Variants in ZBTB2 observed in about 807,000 individuals in gnomAD.
ZBTB2 encodes zinc finger and BTB domain-containing protein 2.
Under a neutral mutation model 39.5 loss-of-function variants are expected in ZBTB2, and 2 were observed. The observed-to-expected ratio is 0.05, with a 90% CI of 0.02 to 0.16. ZBTB2 has a LOEUF of 0.16. ZBTB2 is among the 10% of genes least tolerant of loss of function. ZBTB2 has a pLI of 1.00. For missense variants in ZBTB2, 391 were observed against 653.0 expected (o/e 0.60, Z 4.37); for synonymous variants, 251 against 256.6 (o/e 0.98, Z 0.21).
At chr6:151,385,872 G>A (rs1010362604) in intron 1 of ZBTB2, among the ~76,000 whole-genome samples, 1 of 152,128 alleles carries the variant, frequency 6.6e-6, no homozygotes, top group Non-Finnish European at 1.5e-5. Context: ...TATTTTGAAG[G>A]TAGAAAATGC....
intron 1 of ZBTB2, among the ~76,000 whole-genome samples, chr6:151,380,641 T>C (rs1240377821): frequency 6.6e-6 from 1 of 152,202 alleles, no homozygotes; most frequent in African/African-American, 2.4e-5. Context: ...TTACTCAGCC[T>C]CTTGGCGGCA....
chr6:151,367,456 C>T (rs1778676351), intron 2 of ZBTB2, among the ~76,000 whole-genome samples: 1 of 152,162 alleles, frequency 6.6e-6, no homozygotes, highest in African/African-American at 2.4e-5. Context: ...TATTTTTATA[C>T]AGAACTCCAG....
chr6:151,370,121 G>GATAT, intron 2 of ZBTB2: 1 of 974,108 alleles, frequency 1.0e-6, no homozygotes, highest in Non-Finnish European at 1.2e-6. Context: ...GTAGTTTCCA[G>GATAT]ATATGTTTGA....
intron 1 of ZBTB2, among the ~76,000 whole-genome samples, chr6:151,390,463 G>C (rs1334830546): frequency 3.3e-5 from 5 of 149,924 alleles, no homozygotes; most frequent in Admixed American, 2.0e-4. Flanking sequence ...CTCGCCCCAA[G>C]TCCCGCGGAG....
At chr6:151,381,292 G>A (rs929434878) in intron 1 of ZBTB2, among the ~76,000 whole-genome samples, 2 of 152,082 alleles carry the variant, frequency 1.3e-5, no homozygotes, top group African/African-American at 4.8e-5. Flanking sequence ...AGGCTGAGGC[G>A]GGCAGATCAC....
intron 1 of ZBTB2, among the ~76,000 whole-genome samples, chr6:151,374,183 A>G (rs556195329): frequency 2.0e-5 from 3 of 152,304 alleles, no homozygotes; most frequent in East Asian, 1.9e-4. Context: ...GTGAGAATCA[A>G]TAAGTCTGAG....
chr6:151,366,674 G>A lies in ZBTB2; in HGVS notation c.392C>T (p.Ser131Leu), dbSNP rs1461100521. ...ATCTGCAATCTGAATGCCATACAAT[G>A]AAGAAGCCAGTGGGAAAACTTGGTC... ...HPDQVFPLAS[S>L]LYGIQIADHQ... Residue 131 changes from serine to leucine, a missense_variant, in exon 3 of 3, where the codon TCA becomes TTA. Coordinates refer to ENST00000325144, the MANE Select transcript of ZBTB2 (RefSeq NM_020861.3). The surrounding 1 kb of genome is among the most constrained non-coding windows in gnomAD (Gnocchi z 7.1). 1 of 1,614,138 alleles carries A rather than the reference G, an allele frequency of 6.2e-7. No individual in the cohort carries two copies. The highest frequency in any genetic ancestry group is 8.5e-7 in the Non-Finnish European group (1 of 1,180,028).
Position 151,365,677 on chromosome 6 carries a change from A to G in ZBTB2, c.1389T>C (p.Val463=). The G allele has an allele frequency of 6.2e-7, 1 of 1,614,222 alleles. No individual in the cohort carries two copies. Among genetic ancestry groups the G allele is most frequent in the Non-Finnish European group, 8.5e-7 (1 of 1,180,040 alleles). The change falls in exon 3 of 3, where the codon GTT becomes GTC. Residue 463 remains valine (V), a synonymous_variant. Coordinates refer to ENST00000325144, the MANE Select transcript of ZBTB2 (RefSeq NM_020861.3). This position sits in a 1 kb window ranked among gnomAD's most constrained non-coding sequence, Gnocchi z 5.6. ...TCTGGTTTTGGCATGAATGTTTAACAACCTCATTGGGAGTGGAGAATGTTT... is the reference window on the plus strand; with the variant it reads ...TCTGGTTTTGGCATGAATGTTTAACGACCTCATTGGGAGTGGAGAATGTTT... The part of the protein sequence containing the change: ...CDKTFSTPNE[V]VKHSCQNQNS...
Position 151,366,277 on chromosome 6 carries a change from G to A in ZBTB2, c.789C>T (p.Phe263=). The change falls in exon 3 of 3, where the codon TTC becomes TTT. Residue 263 remains phenylalanine (F), a synonymous_variant. Coordinates refer to ENST00000325144, the MANE Select transcript of ZBTB2 (RefSeq NM_020861.3). This position sits in a 1 kb window ranked among gnomAD's most constrained non-coding sequence, Gnocchi z 7.1. ...GTTCACGTAAGCTGCTCCGGAGAGT[G>A]AAGCGCCGTCCACACAGGTGGCAGG... ...YYACHLCGRR[F]TLRSSLREHL... is the part of the protein sequence containing the mutation. 1.9e-6 allele frequency: 3 copies of A among 1,614,086 alleles called. No individual in the cohort carries two copies. Among genetic ancestry groups the A allele is most frequent in the South Asian group, 1.1e-5 (1 of 91,070 alleles).
At chr6:151,386,535 A>AAAC (rs914564780) in intron 1 of ZBTB2, among the ~76,000 whole-genome samples, 63 of 152,346 alleles carry the variant, frequency 4.1e-4, no homozygotes, top group African/African-American at 1.5e-3. Context: ...CCCTGTCTCA[A>AAAC]AACAACAACA....
intron 2 of ZBTB2, among the ~76,000 whole-genome samples, chr6:151,372,268 G>A (rs1319316646): frequency 1.3e-5 from 2 of 152,206 alleles, no homozygotes; most frequent in African/African-American, 4.8e-5. Context: ...TGAGAGAAGG[G>A]CAGTGGTTTT....
rs1490484514 is a variant in ZBTB2 at position 151,364,479 on chromosome 6, T to C, written c.*1042A>G. ...CAATTAGATTTTTTGTCCTGATTTC[T>C]CTTTGCCATTTATTTTTGATGCTTC... On this transcript the variant is annotated 3_prime_UTR_variant, in exon 3 of 3. Coordinates refer to ENST00000325144, the MANE Select transcript of ZBTB2 (RefSeq NM_020861.3). 1 of 152,510 alleles carries C rather than the reference T, an allele frequency of 6.6e-6. No homozygotes were observed. The highest frequency in any genetic ancestry group is 2.4e-5 in the African/African-American group (1 of 41,474). 9.4% of individuals were successfully genotyped at this position (152,510 alleles called of 1,614,324 possible). A position where few individuals can be genotyped will look rare whatever the true frequency, so the allele number is the denominator to read the frequency against.
rs1778857960 is a variant in ZBTB2 at position 151,374,496 on chromosome 6, C to G, written c.-12-847G>C. Among the ~76,000 whole-genome samples, 3 of 152,262 alleles carry G rather than the reference C, an allele frequency of 2.0e-5. No homozygotes were observed. The South Asian group carries it at 6.2e-4, about 32-fold the overall frequency. ...ATAATAGAGAGGCTGCCTGACATTG[C>G]CTGGTTCATCAAATCACTAGTCTGC... On this transcript the variant is annotated intron_variant, in intron 1 of 2. Transcript: ENST00000325144.
At position 151,366,176 on chromosome 6, in the gene ZBTB2, C is replaced by T; in HGVS notation, c.890G>A (p.Ser297Asn). ...ATCTTTCCCGAGGTCAGCTGCATTG[C>T]TACAGAGAGTCAGGGGGACGCGACT... ...GESRVPLTLCSNAADLGKDAM... is the reference protein window; with the variant it reads ...GESRVPLTLCNNAADLGKDAM... Residue 297 changes from serine (S) to asparagine (N), a missense_variant, in exon 3 of 3, where the codon AGC becomes AAC. Coordinates refer to ENST00000325144, the MANE Select transcript of ZBTB2 (RefSeq NM_020861.3). The surrounding 1 kb of genome is among the most constrained non-coding windows in gnomAD (Gnocchi z 7.1). The T allele has an allele frequency of 6.2e-7, 1 of 1,614,168 alleles. No individual in the cohort carries two copies. Among genetic ancestry groups the T allele is most frequent in the Non-Finnish European group, 8.5e-7 (1 of 1,180,032 alleles).
Position 151,366,154 on chromosome 6 carries a change from T to C in ZBTB2, c.912A>G (p.Lys304=). ...TLCSNAADLG[K]DAMEVPEAGM... ...CGGCTTCAGGCACTTCCATGGCATC[T>C]TTCCCGAGGTCAGCTGCATTGCTAC... Residue 304 remains lysine, a synonymous_variant, in exon 3 of 3, where the codon AAA becomes AAG. Transcript: ENST00000325144. The surrounding 1 kb of genome is among the most constrained non-coding windows in gnomAD (Gnocchi z 7.1). The C allele has an allele frequency of 1.9e-6, 3 of 1,614,158 alleles. No individual in the cohort carries two copies. Among genetic ancestry groups the C allele is most frequent in the East Asian group, 2.2e-5 (1 of 44,860 alleles).
intron 1 of ZBTB2, among the ~76,000 whole-genome samples, chr6:151,390,240 G>A (rs1052938114): frequency 8.6e-5 from 13 of 150,988 alleles, no homozygotes; most frequent in African/African-American, 2.7e-4. Flanking sequence ...CGCGTCCCCC[G>A]CCCGCCTGAG....
At position 151,366,331 on chromosome 6, in the gene ZBTB2, C is replaced by T. The variant is rs143030443; in HGVS notation, c.735G>A (p.Lys245=). ...TIAHVKPSIM[K]RNGSFPKYYA... is the part of the protein sequence containing the mutation. ...AGTACTTTGGAAAGCTCCCATTCCT[C>T]TTCATGATGCTTGGCTTGACGTGGG... The change falls in exon 3 of 3, where the codon AAG becomes AAA. Residue 245 remains lysine, a synonymous_variant. Transcript: ENST00000325144. The surrounding 1 kb of genome is among the most constrained non-coding windows in gnomAD (Gnocchi z 7.1). 1.1e-5 allele frequency: 18 copies of T among 1,614,034 alleles called. No individual in the cohort carries two copies. In the African/African-American group the frequency reaches 1.6e-4, roughly 14 times the overall value.
At chr6:151,388,191 T>C (rs1449214054) in intron 1 of ZBTB2, among the ~76,000 whole-genome samples, 5 of 152,202 alleles carry the variant, frequency 3.3e-5, no homozygotes, top group South Asian at 2.1e-4. Context: ...CCAGGTGCAT[T>C]TGGTATTTTA....
chr6:151,386,815 T>A (rs1192396716), intron 1 of ZBTB2, among the ~76,000 whole-genome samples: 1 of 152,198 alleles, frequency 6.6e-6, no homozygotes, highest in African/African-American at 2.4e-5. Context: ...ATTATATGTT[T>A]ATATGGATTT....
Sources: gnomAD v4.1 joint callset for allele counts (sites outside exome capture counted in the v4.1 genomes callset) on GRCh38, gnomAD v4.1.1 for gene constraint, Gnocchi (gnomAD v3.1) non-coding constraint, MANE v1.5 for transcripts, NCBI Gene and HGNC (gene_info 2026-07-23, HGNC 2026-07-21) for gene names.